The following SIDT1 variants were observed in gnomAD, a reference collection of about 807,000 sequenced individuals.
SIDT1 encodes the protein SID1 transmembrane family, member 1.
Under a neutral mutation model 107.5 loss-of-function variants are expected in SIDT1, and 101 were observed. The observed-to-expected ratio is 0.94, with a 90% CI of 0.80 to 1.11. The LOEUF (loss-of-function observed/expected upper bound fraction) is 1.11. Ranked by LOEUF, SIDT1 falls within the 50% of genes least tolerant of loss-of-function variation. The probability of loss-of-function intolerance (pLI) is 0.00; values close to 1 mark genes in which losing one functional copy is unlikely to be tolerated. For synonymous variants in SIDT1, 395 were observed against 398.2 expected, an observed-to-expected ratio of 0.99 and a Z score of 0.10; for missense variants, 1,076 against 1,058.2, an observed-to-expected ratio of 1.02 and a Z score of -0.23.
chr3:113,577,677 A>C (rs1297154995), intron 4 of SIDT1, among the ~76,000 whole-genome samples: 1 of 152,214 alleles, frequency 6.6e-6, no homozygotes, highest in Non-Finnish European at 1.5e-5. Context: ...ATATAATAGC[A>C]TGTTCGAAAC....
chr3:113,536,017 A>G (rs190719688), intron 1 of SIDT1, among the ~76,000 whole-genome samples: 2 of 152,340 alleles, frequency 1.3e-5, no homozygotes, highest in South Asian at 2.1e-4. Flanking sequence ...AAGGTTTGGA[A>G]TAACATAGAG....
intron 21 of SIDT1, chr3:113,619,951 T>A: frequency 2.2e-6 from 1 of 463,716 alleles, no homozygotes; most frequent in Non-Finnish European, 3.9e-6. Flanking sequence ...AAGACAAACA[T>A]CAAAACTTGT....
rs1389409453 is a variant in SIDT1, at chr3:113,567,512, T to A, written c.345-28T>A. 5 of 1,559,316 alleles carry A rather than the reference T, an allele frequency of 3.2e-6. No individual in the cohort carries two copies. The African/African-American group carries it at 5.5e-5, about 17-fold the overall frequency. On this transcript the variant is annotated intron_variant, in intron 2 of 24. Transcript: ENST00000264852. ...TGAGTCCCTTTCTTGTCCTTGTTTA[T>A]TTTTTTCCCCTATATTGGCTGCTTC...
rs146304116 is a variant in SIDT1, at chr3:113,586,683, G to A, written c.1001+1413G>A. Among the ~76,000 whole-genome samples the A allele has an allele frequency of 5.3e-3, 809 of 152,208 alleles. 3 individuals carry two copies. The highest frequency in any genetic ancestry group is 8.6e-3 in the Non-Finnish European group (585 of 67,990). ...CAGTAAGAAATCAAACATATTGACC[G>A]GGTGATCAAAATTAATATCACCAAG... is the stretch of plus-strand genomic sequence containing the variant. On this transcript the variant is annotated intron_variant, in intron 9 of 24. Coordinates refer to ENST00000264852, the MANE Select transcript of SIDT1 (RefSeq NM_017699.3).
Position 113,611,148 on chromosome 3 carries a change from C to G in SIDT1, c.1857+4C>G. Reference sequence around the variant, plus strand: ...CATGGTCACCGTCCTTGGAGTGGTGCGTCCCCCACCTTCTTCCACCTGGCT... The same window carrying G: ...CATGGTCACCGTCCTTGGAGTGGTGGGTCCCCCACCTTCTTCCACCTGGCT... On this transcript the variant is annotated splice_donor_region_variant and intron_variant, in intron 18 of 24. Transcript: ENST00000264852. 6.2e-7 allele frequency: 1 copy of G among 1,612,462 alleles called. No individual in the cohort carries two copies. The highest frequency in any genetic ancestry group is 8.5e-7 in the Non-Finnish European group (1 of 1,179,042).
the SIDT1 span, among the ~76,000 whole-genome samples, chr3:113,634,641 C>CAA: frequency 1.1e-4 from 16 of 148,612 alleles, no homozygotes; most frequent in South Asian, 2.3e-3. Context: ...ACCAAAAATA[C>CAA]AAAAAAAATA....
At chr3:113,536,265 C>T (rs542747645) in intron 1 of SIDT1, among the ~76,000 whole-genome samples, 1 of 152,310 alleles carries the variant, frequency 6.6e-6, no homozygotes, top group Admixed American at 6.5e-5. Flanking sequence ...CCTACACTCA[C>T]TAAGAGGCTC....
chr3:113,613,251 C>T (rs903456982), intron 19 of SIDT1, among the ~76,000 whole-genome samples: 1 of 152,226 alleles, frequency 6.6e-6, no homozygotes, highest in Non-Finnish European at 1.5e-5. Context: ...CATCTGCCCT[C>T]AGGAGGATAC....
In SIDT1 at chr3:113,608,444, G is replaced by A. The variant is rs1161416087; in HGVS notation, c.1628G>A (p.Gly543Asp). The A allele has an allele frequency of 6.2e-7, 1 of 1,613,876 alleles. No homozygotes were observed. The highest frequency in any genetic ancestry group is 8.5e-7 in the Non-Finnish European group (1 of 1,179,766). Residue 543 changes from glycine to aspartate, a missense_variant, in exon 17 of 25, where the codon GGT (glycine) becomes GAT (aspartate). Coordinates refer to ENST00000264852, the MANE Select transcript of SIDT1 (RefSeq NM_017699.3). ...AVEYGIPKHF[G>D]LFYAMGIALM... ...GAGTACGGGATTCCCAAACACTTTG[G>A]TCTCTTCTACGCTATGGGCATTGCA...
intron 1 of SIDT1, among the ~76,000 whole-genome samples, chr3:113,552,720 C>T (rs1219303740): frequency 6.6e-6 from 1 of 152,106 alleles, no homozygotes; most frequent in Non-Finnish European, 1.5e-5. Flanking sequence ...ATCACCACTG[C>T]CAGTGAACTT....
At chr3:113,588,471 T>C (rs9846529) in intron 9 of SIDT1, among the ~76,000 whole-genome samples, 6,192 of 152,302 alleles carry the variant, frequency 0.041, 174 homozygotes, top group Middle Eastern at 0.089. Flanking sequence ...CGAATACCTA[T>C]GGGGTTTGTA....
At chr3:113,582,907 C>T (rs564155790) in intron 6 of SIDT1, among the ~76,000 whole-genome samples, 4 of 151,994 alleles carry the variant, frequency 2.6e-5, no homozygotes, top group Non-Finnish European at 2.9e-5. Flanking sequence ...TCTTGTCAAC[C>T]GCACTTCATT....
chr3:113,560,130 G>T (rs2107713884), intron 1 of SIDT1, among the ~76,000 whole-genome samples: 1 of 152,258 alleles, frequency 6.6e-6, no homozygotes, highest in East Asian at 1.9e-4. Flanking sequence ...GGGATGGTTG[G>T]AGTAGATGGT....
At position 113,549,144 on chromosome 3, in the gene SIDT1, T is replaced by C. The variant is rs73224613; in HGVS notation, c.222+15901T>C. 7.5e-3 allele frequency among the ~76,000 whole-genome samples: 1,139 copies of C among 152,334 alleles called. 11 individuals are homozygous for C. The highest frequency in any genetic ancestry group is 0.011 in the Non-Finnish European group (731 of 68,016). The stretch of plus-strand genomic sequence containing the variant: ...GTCTGGATATACCACAGTGTGTTTA[T>C]CCATTCCTCTATTGAAGGACATCTG... On this transcript the variant is annotated intron_variant, in intron 1 of 24. Transcript: ENST00000264852.
intron 3 of SIDT1, among the ~76,000 whole-genome samples, chr3:113,572,781 C>A (rs948695006): frequency 6.6e-6 from 1 of 152,190 alleles, no homozygotes. Flanking sequence ...ATACTTGCAG[C>A]CTTCAGCCCT....
At chr3:113,561,133 C>T (rs968884868) in intron 1 of SIDT1, among the ~76,000 whole-genome samples, 3 of 152,168 alleles carry the variant, frequency 2.0e-5, no homozygotes, top group Non-Finnish European at 2.9e-5. Context: ...ATACCCTGTC[C>T]TTCATTTAGT....
chr3:113,604,012 A>G lies in SIDT1; in HGVS notation c.1316A>G (p.Lys439Arg). The part of the protein sequence containing the change: ...LSRKDRRIVS[K>R]KYKIYFWNII... ...AGGAAGGACCGGAGAATTGTCAGCA[A>G]AAAATATAAAATTTATTTTTGGTAA... The change falls in exon 13 of 25, where the codon AAA (lysine) becomes AGA (arginine). Residue 439 changes from lysine (K) to arginine (R), a missense_variant. By Grantham distance (26) the Lys-to-Arg change is conservative. Transcript: ENST00000264852. 2 of 1,603,742 alleles carry G rather than the reference A, an allele frequency of 1.2e-6. No homozygotes were observed. Among genetic ancestry groups the G allele is most frequent in the Non-Finnish European group, 1.7e-6 (2 of 1,173,550 alleles).
At chr3:113,616,691 G>T (rs868081450) in intron 20 of SIDT1, among the ~76,000 whole-genome samples, 2 of 138,390 alleles carry the variant, frequency 1.4e-5, no homozygotes, top group African/African-American at 5.3e-5. Context: ...AAATAATAAA[G>T]AATTTTTTTT....
chr3:113,541,107 T>C (rs1181103999), intron 1 of SIDT1, among the ~76,000 whole-genome samples: 1 of 118,728 alleles, frequency 8.4e-6, no homozygotes, highest in Non-Finnish European at 1.7e-5. Context: ...TCAGTCTTAG[T>C]TCTAATATAT....
Sources: allele counts gnomAD v4.1 joint callset (sites outside exome capture counted in the v4.1 genomes callset), GRCh38; gene constraint gnomAD v4.1.1; transcripts MANE v1.5; gene names NCBI Gene and HGNC (gene_info 2026-07-23, HGNC 2026-07-21).